The following CDH18 variants were observed in gnomAD, a reference collection of about 807,000 sequenced individuals.
The protein encoded by CDH18 is cadherin 18, also known as cadherin-18.
A neutral mutation model predicts 67.9 loss-of-function variants in CDH18; 31 were observed. That is an observed-to-expected ratio of 0.46 (90% CI 0.34 to 0.62). CDH18 has a LOEUF of 0.62. CDH18 is among the 20% of genes least tolerant of loss of function. The pLI is 0.01. For missense variants in CDH18, 890 were observed against 975.5 expected (o/e 0.91, Z 1.17); for synonymous variants, 362 against 347.2 (o/e 1.04, Z -0.48).
At chr5:20,284,159 AT>A (rs1746503771) in intron 1 of CDH18, among the ~76,000 whole-genome samples, 1 of 152,006 alleles carries the variant, frequency 6.6e-6, no homozygotes, top group African/African-American at 2.4e-5. Flanking sequence ...GTACAAAAAT[AT>A]AGTTAGAGAG....
intron 1 of CDH18, among the ~76,000 whole-genome samples, chr5:20,488,285 T>C (rs1753335997): frequency 6.6e-6 from 1 of 152,122 alleles, no homozygotes; most frequent in South Asian, 2.1e-4. Flanking sequence ...CATACACATA[T>C]GCAAAAGTAC....
intron 2 of CDH18, among the ~76,000 whole-genome samples, chr5:20,172,214 A>ATATATATATATACGTATATATATG (rs1736832749): frequency 3.0e-5 from 1 of 32,848 alleles, no homozygotes; most frequent in African/African-American, 1.2e-4. Context: ...ATATATATAT[A>ATATATATATATACGTATATATATG]TATATATATG....
Position 19,589,019 on chromosome 5 carries a change from A to G in CDH18, c.999+2038T>C, listed in dbSNP as rs555739540. Among the ~76,000 whole-genome samples, 238 of 152,182 alleles carry G rather than the reference A, an allele frequency of 1.6e-3. 1 individual carries two copies. Among genetic ancestry groups the G allele is most frequent in the African/African-American group, 5.6e-3 (232 of 41,518 alleles). On this transcript the variant is annotated intron_variant, in intron 7 of 12. Transcript: ENST00000382275. ...CAGAAAAGTAATAAAGATATTTAGG[A>G]CCTGAACTCAGCTCTGGCTCTAGAA...
chr5:19,839,889 A>G (rs1782080072), intron 2 of CDH18, among the ~76,000 whole-genome samples: 1 of 152,180 alleles, frequency 6.6e-6, no homozygotes, highest in Non-Finnish European at 1.5e-5. Flanking sequence ...TCTAGCAATT[A>G]TCTAAAGACA....
chr5:20,426,828 G>C (rs1006282462), intron 1 of CDH18, among the ~76,000 whole-genome samples: 1 of 151,034 alleles, frequency 6.6e-6, no homozygotes, highest in Non-Finnish European at 1.5e-5. Flanking sequence ...AGAAAGATAG[G>C]TTGCAAACAA....
At chr5:19,750,543 T>C (rs987496939) in intron 3 of CDH18, among the ~76,000 whole-genome samples, 1 of 151,774 alleles carries the variant, frequency 6.6e-6, no homozygotes, top group Admixed American at 6.6e-5. Context: ...CTGAGTGGGG[T>C]CACCAGTGAG....
chr5:20,137,271 T>C (rs559871606), intron 2 of CDH18, among the ~76,000 whole-genome samples: 1 of 152,244 alleles, frequency 6.6e-6, no homozygotes, highest in African/African-American at 2.4e-5. Context: ...CTTGGAGGCT[T>C]TGTTCATTTC....
chr5:19,556,467 A>G, intron 8 of CDH18, among the ~76,000 whole-genome samples: 1 of 152,192 alleles, frequency 6.6e-6, no homozygotes, highest in Non-Finnish European at 1.5e-5. Context: ...ATACTTAGGG[A>G]AATGCAAAAT....
rs1580091640 is a variant in CDH18, at chr5:20,036,501, G to T, written c.-517-44487C>A. Among the ~76,000 whole-genome samples, 4 of 152,002 alleles carry T rather than the reference G, an allele frequency of 2.6e-5. No individual in the cohort carries two copies. In the South Asian group the frequency reaches 6.2e-4, roughly 24 times the overall value. On this transcript the variant is annotated intron_variant, in intron 2 of 14. Transcript: ENST00000507958. ...CATGTTCAAAGCTTTTAAATGACTA[G>T]ATTAGAACCTCTAAGGTATGTCACA...
chr5:19,907,033 T>G (rs1443983201), intron 2 of CDH18, among the ~76,000 whole-genome samples: 1 of 152,030 alleles, frequency 6.6e-6, no homozygotes, highest in Non-Finnish European at 1.5e-5. Flanking sequence ...CTAAGGTATC[T>G]AAAATGTAAA....
chr5:19,980,456 T>A (rs941445163), intron 2 of CDH18, among the ~76,000 whole-genome samples: 2 of 152,156 alleles, frequency 1.3e-5, no homozygotes, highest in Non-Finnish European at 2.9e-5. Context: ...ACTAAATATA[T>A]ATTGAATATG....
At chr5:20,521,965 G>A (rs1205492149) in intron 1 of CDH18, among the ~76,000 whole-genome samples, 1 of 152,142 alleles carries the variant, frequency 6.6e-6, no homozygotes, top group Non-Finnish European at 1.5e-5. Context: ...TGTATTATGG[G>A]GTACCTCAAT....
intron 2 of CDH18, among the ~76,000 whole-genome samples, chr5:19,892,204 T>A (rs1788848461): frequency 6.6e-6 from 1 of 152,168 alleles, no homozygotes; most frequent in Admixed American, 6.6e-5. Flanking sequence ...AGCTAAAGTA[T>A]CCTTAGAGCT....
chr5:19,999,080 T>G (rs1736235287), intron 2 of CDH18, among the ~76,000 whole-genome samples: 1 of 152,136 alleles, frequency 6.6e-6, no homozygotes, highest in African/African-American at 2.4e-5. Context: ...AAGTTAACTA[T>G]AAAAGATAAT....
chr5:19,862,998 T>C (rs538139731), intron 2 of CDH18, among the ~76,000 whole-genome samples: 2 of 133,922 alleles, frequency 1.5e-5, no homozygotes, highest in South Asian at 2.7e-4. Flanking sequence ...GTAGGAAAGA[T>C]TGTACTGTGG....
At chr5:19,925,237 C>T (rs745331598) in intron 2 of CDH18, among the ~76,000 whole-genome samples, 1 of 152,116 alleles carries the variant, frequency 6.6e-6, no homozygotes, top group Non-Finnish European at 1.5e-5. Context: ...CAGCAGCAGA[C>T]CTCAAGCTAC....
rs182777572 is a variant in CDH18 at position 19,605,843 on chromosome 5, C to T, written c.811+6591G>A. 3.9e-3 allele frequency among the ~76,000 whole-genome samples: 590 copies of T among 152,098 alleles called. 1 individual carries two copies. Among genetic ancestry groups the T allele is most frequent in the Middle Eastern group, 6.8e-3 (2 of 294 alleles). On this transcript the variant is annotated intron_variant, in intron 6 of 12. Coordinates refer to ENST00000382275, the MANE Select transcript of CDH18 (RefSeq NM_004934.5). Reference sequence around the variant, plus strand: ...GAGACAGGTTGGAGTTCAGAGCTGGCACAGGGGCTGAGAAATTGAGGACAA... The same window carrying T: ...GAGACAGGTTGGAGTTCAGAGCTGGTACAGGGGCTGAGAAATTGAGGACAA...
intron 2 of CDH18, among the ~76,000 whole-genome samples, chr5:19,849,350 A>G (rs903394342): frequency 6.6e-6 from 1 of 151,882 alleles, no homozygotes; most frequent in Middle Eastern, 3.2e-3. Flanking sequence ...TCTAGAGTTA[A>G]TAGTAGAGGA....
rs140206669 is a variant in CDH18, at chr5:20,437,420, G to C, written c.-580+138042C>G. On this transcript the variant is annotated intron_variant, in intron 1 of 14. Transcript: ENST00000507958. ...AGAGAAATTATTTCATGATCTAAGA[G>C]AGAAAGTTACTAGATGAATAATTTA... Among the ~76,000 whole-genome samples the C allele has an allele frequency of 7.5e-4, 113 of 151,316 alleles. 3 individuals are homozygous for C. Among genetic ancestry groups the C allele is most frequent in the African/African-American group, 2.6e-3 (108 of 41,172 alleles).
Sources: allele counts gnomAD v4.1 joint callset (sites outside exome capture counted in the v4.1 genomes callset), GRCh38; gene constraint gnomAD v4.1.1; transcripts MANE v1.5; gene names NCBI Gene and HGNC (gene_info 2026-07-23, HGNC 2026-07-21).